Variants in LRRC4C observed in about 807,000 individuals in gnomAD.
LRRC4C encodes the protein leucine-rich repeat-containing protein 4C.
In LRRC4C, 5 loss-of-function variants were observed where a neutral mutation model predicts 33.6. The ratio of observed to expected loss-of-function variants is 0.15; its 90% CI spans 0.08 to 0.31. LRRC4C has a LOEUF of 0.31. Among genes scored for constraint, LRRC4C ranks in the 10% least tolerant of loss-of-function variants. The pLI is 1.00. For synonymous variants in LRRC4C, 329 were observed against 302.0 expected (o/e 1.09, Z -0.93); for missense variants, 560 against 796.7 (o/e 0.70, Z 3.58).
chr11:41,125,034 T>C (rs2135794390), intron 1 of LRRC4C, among the ~76,000 whole-genome samples: 1 of 152,286 alleles, frequency 6.6e-6, no homozygotes, highest in African/African-American at 2.4e-5. Context: ...GCCAGAATGT[T>C]TGAAGCATCA....
chr11:40,997,162 A>G (rs755310055), intron 1 of LRRC4C, among the ~76,000 whole-genome samples: 117 of 152,134 alleles, frequency 7.7e-4, no homozygotes, highest in Non-Finnish European at 1.5e-3. Flanking sequence ...GATAGTTGAA[A>G]AACTGGAAGT....
chr11:40,953,484 T>A (rs1358978664), intron 1 of LRRC4C, among the ~76,000 whole-genome samples: 1 of 151,860 alleles, frequency 6.6e-6, no homozygotes, highest in African/African-American at 2.4e-5. Flanking sequence ...ATCATTCTTC[T>A]TGTCACCATA....
chr11:40,322,143 G>C (rs1439990192), intron 3 of LRRC4C, among the ~76,000 whole-genome samples: 1 of 152,166 alleles, frequency 6.6e-6, no homozygotes, highest in Non-Finnish European at 1.5e-5. Context: ...AATATGTTCA[G>C]GAACCAGAAA....
At chr11:41,086,133 T>TA (rs1440918538) in intron 1 of LRRC4C, among the ~76,000 whole-genome samples, 1 of 152,092 alleles carries the variant, frequency 6.6e-6, no homozygotes, top group Non-Finnish European at 1.5e-5. Flanking sequence ...ATTTTAAATT[T>TA]ACTCTTCAAT....
intron 1 of LRRC4C, among the ~76,000 whole-genome samples, chr11:41,269,928 A>G (rs7111371): frequency 0.63 from 95,632 of 151,964 alleles, 31,139 homozygotes; most frequent in African/African-American, 0.8. Context: ...AAAGAACTGA[A>G]TTCAAATCCT....
chr11:40,517,534 C>A lies in LRRC4C; in HGVS notation c.-270+130608G>T, dbSNP rs1046835028. On this transcript the variant is annotated intron_variant, in intron 3 of 6. Transcript: ENST00000528697. The stretch of plus-strand genomic sequence containing the variant: ...GTAACTGGATGCTTCAAGAATAACA[C>A]CCCCTTTTTAGAAGATCCAATCAGA... Among the ~76,000 whole-genome samples, 54 of 152,104 alleles carry A rather than the reference C, an allele frequency of 3.6e-4. 1 individual carries two copies. The highest frequency in any genetic ancestry group is 1.3e-3 in the African/African-American group (54 of 41,414).
intron 1 of LRRC4C, among the ~76,000 whole-genome samples, chr11:41,158,658 A>T (rs1302078982): frequency 1.3e-5 from 2 of 152,086 alleles, no homozygotes; most frequent in Non-Finnish European, 2.9e-5. Flanking sequence ...ACTATCACTC[A>T]TGCCTTTCTC....
At chr11:41,455,790 A>G (rs1367191974) in intron 1 of LRRC4C, among the ~76,000 whole-genome samples, 7 of 152,286 alleles carry the variant, frequency 4.6e-5, no homozygotes, top group African/African-American at 9.6e-5. Context: ...TCCAAATTAT[A>G]TAGGAAGAAA....
intron 3 of LRRC4C, among the ~76,000 whole-genome samples, chr11:40,473,917 G>C (rs1013394520): frequency 1.3e-5 from 2 of 152,086 alleles, no homozygotes; most frequent in Admixed American, 1.3e-4. Context: ...AACTCTTCAA[G>C]GAGAACTACA....
intron 2 of LRRC4C, among the ~76,000 whole-genome samples, chr11:40,843,045 GA>G (rs1228044341): frequency 6.6e-6 from 1 of 152,210 alleles, no homozygotes. Context: ...TGAGCCTATT[GA>G]GATTCTAATC....
At chr11:40,836,691 T>C (rs1179429142) in intron 2 of LRRC4C, among the ~76,000 whole-genome samples, 1 of 152,170 alleles carries the variant, frequency 6.6e-6, no homozygotes, top group East Asian at 1.9e-4. Flanking sequence ...TCAACGTCGA[T>C]GTTTACTTTG....
At chr11:40,602,841 C>T (rs1054801614) in intron 3 of LRRC4C, among the ~76,000 whole-genome samples, 1 of 152,128 alleles carries the variant, frequency 6.6e-6, no homozygotes, top group African/African-American at 2.4e-5. Context: ...ATTAACTTCA[C>T]CACGTATCTG....
chr11:40,385,897 A>AAAT (rs1256538516), intron 3 of LRRC4C, among the ~76,000 whole-genome samples: 4 of 144,504 alleles, frequency 2.8e-5, no homozygotes, highest in African/African-American at 7.4e-5. Flanking sequence ...TAAATAAAAT[A>AAAT]AAATAAAATA....
chr11:40,914,543 T>TGC, intron 2 of LRRC4C, among the ~76,000 whole-genome samples: 1 of 152,310 alleles, frequency 6.6e-6, no homozygotes, highest in Non-Finnish European at 1.5e-5. Context: ...TGATGGGACA[T>TGC]ATCTCAAAAT....
rs556674008 is a variant in LRRC4C at position 41,089,550 on chromosome 11, A to G, written c.-495-155827T>C. ...AGGATCATTGCTCAAGCAATCTTCT[A>G]TTCAACGTAAGTGCAGGTCAGATTG... is the stretch of plus-strand genomic sequence containing the variant. On this transcript the variant is annotated intron_variant, in intron 1 of 6. Transcript: ENST00000528697. 1.8e-4 allele frequency among the ~76,000 whole-genome samples: 28 copies of G among 152,218 alleles called. 1 individual carries two copies. The South Asian group carries it at 5.6e-3, about 30-fold the overall frequency.
At chr11:40,802,630 C>T (rs1951086180) in intron 2 of LRRC4C, among the ~76,000 whole-genome samples, 1 of 151,964 alleles carries the variant, frequency 6.6e-6, no homozygotes, top group Non-Finnish European at 1.5e-5. Flanking sequence ...ATGTATTGAA[C>T]ATTGTAGAAT....
chr11:41,171,363 C>A (rs1443963180), intron 1 of LRRC4C, among the ~76,000 whole-genome samples: 3 of 152,100 alleles, frequency 2.0e-5, no homozygotes, highest in Admixed American at 6.6e-5. Context: ...ACCCAAATAT[C>A]CAACAATGAT....
intron 1 of LRRC4C, among the ~76,000 whole-genome samples, chr11:41,326,249 G>C (rs183017130): frequency 8.9e-4 from 136 of 152,218 alleles, no homozygotes; most frequent in Admixed American, 3.1e-3. Flanking sequence ...TCGTGCCCTT[G>C]AACATTGGGC....
At chr11:40,969,424 A>C (rs2136968767) in intron 1 of LRRC4C, among the ~76,000 whole-genome samples, 1 of 151,086 alleles carries the variant, frequency 6.6e-6, no homozygotes, top group African/African-American at 2.4e-5. Context: ...TGAAAGTTTT[A>C]CTGTGGGTAA....
Sources: allele counts gnomAD v4.1 joint callset (sites outside exome capture counted in the v4.1 genomes callset), GRCh38; gene constraint gnomAD v4.1.1; transcripts MANE v1.5; gene names NCBI Gene and HGNC (gene_info 2026-07-23, HGNC 2026-07-21).